The following AGBL1 variants were observed in gnomAD, a reference collection of about 807,000 sequenced individuals.
The protein encoded by AGBL1 is cytosolic carboxypeptidase 4.
In AGBL1, 130 loss-of-function variants were observed where a neutral mutation model predicts 118.9. The ratio of observed to expected loss-of-function variants is 1.09; its 90% confidence interval spans 0.95 to 1.26. The LOEUF (loss-of-function observed/expected upper bound fraction) is 1.26, where lower values mean the gene tolerates loss of function less well. AGBL1 is among the 50% of genes most tolerant of loss of function. The pLI is 0.00. For missense variants in AGBL1, 1,584 were observed against 1,298.1 expected, an observed-to-expected ratio of 1.22 and a Z score of -3.38; for synonymous variants, 555 against 478.9, an observed-to-expected ratio of 1.16 and a Z score of -2.08.
At chr15:86,965,412 G>C (rs532702704) in intron 23 of AGBL1, among the ~76,000 whole-genome samples, 2 of 152,032 alleles carry the variant, frequency 1.3e-5, no homozygotes, top group South Asian at 2.1e-4. Context: ...TCATGTGTTT[G>C]TTGGCCGCAT....
chr15:86,627,200 A>T (rs2084901776), intron 21 of AGBL1, among the ~76,000 whole-genome samples: 1 of 152,102 alleles, frequency 6.6e-6, no homozygotes, highest in Non-Finnish European at 1.5e-5. Flanking sequence ...GGGTTTCTCC[A>T]TGTTGGTCAG....
intron 5 of AGBL1, among the ~76,000 whole-genome samples, chr15:86,193,934 A>T (rs1489068730): frequency 1.3e-5 from 2 of 152,226 alleles, no homozygotes; most frequent in Admixed American, 1.3e-4. Flanking sequence ...GGCATAGCAG[A>T]GTATAACCGG....
intron 22 of AGBL1, among the ~76,000 whole-genome samples, chr15:86,872,699 T>G (rs1307998712): frequency 1.3e-5 from 2 of 152,158 alleles, no homozygotes; most frequent in African/African-American, 4.8e-5. Flanking sequence ...GAGGTTACAG[T>G]GAGCTGAGAT....
chr15:86,199,029 G>A (rs2077862240), intron 5 of AGBL1, among the ~76,000 whole-genome samples: 1 of 152,132 alleles, frequency 6.6e-6, no homozygotes, highest in East Asian at 1.9e-4. Context: ...TTTTCTAGTC[G>A]CTTTAATACT....
intron 18 of AGBL1, among the ~76,000 whole-genome samples, chr15:86,521,639 G>A (rs149452420): frequency 2.9e-4 from 44 of 152,312 alleles, no homozygotes; most frequent in African/African-American, 1.0e-3. Flanking sequence ...GGTACATGAA[G>A]ATGGAGGAGC....
intron 5 of AGBL1, among the ~76,000 whole-genome samples, chr15:86,216,403 T>C (rs2078189541): frequency 6.6e-6 from 1 of 152,222 alleles, no homozygotes; most frequent in African/African-American, 2.4e-5. Flanking sequence ...GGATTTTCTA[T>C]AGGCCACTTT....
intron 24 of AGBL1, among the ~76,000 whole-genome samples, chr15:87,017,566 G>A (rs1341582916): frequency 6.6e-6 from 1 of 152,100 alleles, no homozygotes; most frequent in African/African-American, 2.4e-5. Context: ...TAGCTTGACT[G>A]TTAAAAGTAA....
At chr15:86,284,677 C>A (rs187596891) in intron 16 of AGBL1, among the ~76,000 whole-genome samples, 1 of 152,274 alleles carries the variant, frequency 6.6e-6, no homozygotes, top group East Asian at 1.9e-4. Context: ...ACAGAGAGTG[C>A]AGCAGTTTAG....
chr15:86,656,860 A>G (rs1025258752), intron 21 of AGBL1, among the ~76,000 whole-genome samples: 4 of 152,156 alleles, frequency 2.6e-5, no homozygotes, highest in Admixed American at 1.3e-4. Flanking sequence ...ACCAAAAGGA[A>G]TTCCACATCT....
At chr15:86,902,909 G>C (rs2080230750) in intron 22 of AGBL1, among the ~76,000 whole-genome samples, 1 of 152,062 alleles carries the variant, frequency 6.6e-6, no homozygotes, top group East Asian at 1.9e-4. Context: ...TATCTGTTTG[G>C]GGGTTTTTCT....
At chr15:86,586,864 G>T (rs990090590) in intron 21 of AGBL1, among the ~76,000 whole-genome samples, 1 of 151,880 alleles carries the variant, frequency 6.6e-6, no homozygotes, top group Non-Finnish European at 1.5e-5. Context: ...GTTAAGGGGG[G>T]GTCTGTTATT....
chr15:86,570,062 C>T (rs746734687), intron 21 of AGBL1, among the ~76,000 whole-genome samples: 2 of 152,092 alleles, frequency 1.3e-5, no homozygotes, highest in Non-Finnish European at 2.9e-5. Context: ...TTTATCTTGT[C>T]GTGTAGGGAA....
At chr15:86,685,726 A>C (rs1596368637) in intron 22 of AGBL1, among the ~76,000 whole-genome samples, 1 of 152,308 alleles carries the variant, frequency 6.6e-6, no homozygotes, top group Middle Eastern at 3.4e-3. Flanking sequence ...GATAAAAGCC[A>C]AATCAGTATT....
rs185266004 is a variant in AGBL1, at chr15:86,572,352, A to G, written c.2994+17815A>G. 3.5e-3 allele frequency among the ~76,000 whole-genome samples: 532 copies of G among 152,274 alleles called. 8 individuals are homozygous for G. The highest frequency in any genetic ancestry group is 0.012 in the African/African-American group (512 of 41,572). On this transcript the variant is annotated intron_variant, in intron 21 of 22. Transcript: ENST00000614907. ...GCTGGCTCCATGGAGTGTGCAGCCC[A>G]GACCACACCTCCTTGCAGTCTGGGG... is the stretch of plus-strand genomic sequence containing the variant.
chr15:86,351,268 A>G (rs2080621947), intron 17 of AGBL1, among the ~76,000 whole-genome samples: 1 of 152,198 alleles, frequency 6.6e-6, no homozygotes, highest in African/African-American at 2.4e-5. Context: ...TTGTCCTTTT[A>G]TAACAAACCC....
At chr15:86,482,761 C>A (rs962515197) in intron 18 of AGBL1, among the ~76,000 whole-genome samples, 3 of 152,016 alleles carry the variant, frequency 2.0e-5, no homozygotes, top group African/African-American at 7.2e-5. Flanking sequence ...TGGGTCTATA[C>A]ACAGTCAACA....
At chr15:86,243,167 A>G (rs2078666130) in intron 6 of AGBL1, among the ~76,000 whole-genome samples, 1 of 152,172 alleles carries the variant, frequency 6.6e-6, no homozygotes, top group South Asian at 2.1e-4. Context: ...CCTGATTGTC[A>G]AAGTTTGTTG....
At chr15:86,539,724 G>C (rs568555880) in intron 19 of AGBL1, among the ~76,000 whole-genome samples, 1 of 152,062 alleles carries the variant, frequency 6.6e-6, no homozygotes, top group Non-Finnish European at 1.5e-5. Context: ...ACTCAGTAAG[G>C]TTCATCTTAT....
chr15:86,710,569 C>T (rs7173323), intron 22 of AGBL1, among the ~76,000 whole-genome samples: 132,063 of 152,168 alleles, frequency 0.87, 57,475 homozygotes, highest in Middle Eastern at 0.92. Context: ...ATTTGATTAC[C>T]CTTTAAAATT....
Sources: allele counts gnomAD v4.1 joint callset (sites outside exome capture counted in the v4.1 genomes callset), GRCh38; gene constraint gnomAD v4.1.1; transcripts MANE v1.5; gene names NCBI Gene and HGNC (gene_info 2026-07-23, HGNC 2026-07-21).